KIF17: variants seen among roughly 807,000 people sequenced by gnomAD.
KIF17 encodes kinesin-like protein KIF17.
A neutral mutation model predicts 96.8 loss-of-function variants in KIF17; 80 were observed. That is an observed-to-expected ratio of 0.83 (90% CI 0.69 to 1.00). KIF17 has a LOEUF of 1.00. Ranked by LOEUF, KIF17 falls within the 50% of genes least tolerant of loss-of-function variation. KIF17 has a pLI of 0.00. For synonymous variants in KIF17, 567 were observed against 587.5 expected (o/e 0.97, Z 0.51); for missense variants, 1,280 against 1,372.9 (o/e 0.93, Z 1.07).
chr1:20,690,413 G>T (rs493018), intron 6 of KIF17, 78 bp from the exon 7 acceptor site: 677,927 of 1,418,730 alleles, frequency 0.48, 170,121 homozygotes, highest in African/African-American at 0.8. Context: ...ATTCCTTTTT[G>T]GTTATTCAAA....
At chr1:20,695,061 C>T (rs1259399277) in intron 6 of KIF17, among the ~76,000 whole-genome samples, 1 of 152,144 alleles carries the variant, frequency 6.6e-6, no homozygotes, top group Non-Finnish European at 1.5e-5. Context: ...CATGCATACA[C>T]ATGCACCCAC....
chr1:20,668,626 C>G (rs1297358525), intron 13 of KIF17, among the ~76,000 whole-genome samples: 1 of 152,094 alleles, frequency 6.6e-6, no homozygotes, highest in Admixed American at 6.5e-5. Flanking sequence ...AATTCATTAG[C>G]CTAGGAGTGG....
In KIF17 at chr1:20,712,594, C is replaced by CTA; in HGVS notation, c.480+858_480+859dup. 1.3e-4 allele frequency among the ~76,000 whole-genome samples: 2 copies of CTA among 15,974 alleles called. 1 individual carries two copies. The highest frequency in any genetic ancestry group is 3.0e-4 in the Non-Finnish European group (2 of 6,600). The allele number at this position is 15,974 out of a possible 152,430, so 10.5% of individuals were successfully genotyped here. On this transcript the variant is annotated intron_variant, in intron 3 of 14. Transcript: ENST00000400463. ...TAGATAATATTATCTATATATATATCTATATATATCTATATATATATAATA... is the reference window on the plus strand; with the variant it reads ...TAGATAATATTATCTATATATATATCTATATATATATCTATATATATATAATA...
Position 20,687,490 on chromosome 1 carries a change from C to T in KIF17, c.1836G>A (p.Leu612=). ...QEVPLQGLLG[L]QDPFAEVEAK... The stretch of plus-strand genomic sequence containing the variant: ...CTTCCACCTCGGCAAACGGGTCCTG[C>T]AGGCCTAGTAACCCCTGCAGGGGCA... The change falls in exon 8 of 15, where the codon CTG becomes CTA. Residue 612 remains leucine (L), a synonymous_variant. Transcript: ENST00000400463. This position sits in a 1 kb window ranked among gnomAD's most constrained non-coding sequence, Gnocchi z 4.4. 6.2e-7 allele frequency: 1 copy of T among 1,613,892 alleles called. No homozygotes were observed. The highest frequency in any genetic ancestry group is 8.5e-7 in the Non-Finnish European group (1 of 1,179,918).
intron 3 of KIF17, among the ~76,000 whole-genome samples, chr1:20,712,014 G>A (rs1382556709): frequency 2.6e-5 from 4 of 152,168 alleles, no homozygotes; most frequent in Non-Finnish European, 5.9e-5. Flanking sequence ...TCTGGAGTGT[G>A]TTTCAGCAAG....
At chr1:20,688,546 T>C (rs143427133) in intron 7 of KIF17, among the ~76,000 whole-genome samples, 65 of 152,324 alleles carry the variant, frequency 4.3e-4, no homozygotes, top group African/African-American at 1.5e-3. Flanking sequence ...CACTGAGTGC[T>C]GGGCTCTTAA....
chr1:20,709,593 T>C lies in KIF17; in HGVS notation c.670+46A>G, dbSNP rs746896480. On this transcript the variant is annotated intron_variant, in intron 4 of 14. Transcript: ENST00000400463. This position sits in a 1 kb window ranked among gnomAD's most constrained non-coding sequence, Gnocchi z 4.7. ...GGTGGCGTGCCTTGGCTAGTGGGAGTGGCTGGGTCATCTGTCCCCCTGCCC... is the reference window on the plus strand; with the variant it reads ...GGTGGCGTGCCTTGGCTAGTGGGAGCGGCTGGGTCATCTGTCCCCCTGCCC... The C allele has an allele frequency of 1.2e-6, 2 of 1,606,290 alleles. No homozygotes were observed. The highest frequency in any genetic ancestry group is 1.7e-6 in the Non-Finnish European group (2 of 1,174,452).
chr1:20,712,220 C>T (rs2054450322), intron 3 of KIF17, among the ~76,000 whole-genome samples: 1 of 152,176 alleles, frequency 6.6e-6, no homozygotes, highest in Admixed American at 6.5e-5. Flanking sequence ...AGAAGGTTTG[C>T]AGGGGGCCAG....
chr1:20,688,089 C>CG (rs2053973108), intron 7 of KIF17, 145 bp from the exon 8 acceptor site: 1 of 704,300 alleles, frequency 1.4e-6, no homozygotes, highest in African/African-American at 1.8e-5. Context: ...CTCTGTCGCC[C>CG]GGGCTGGAGT....
At chr1:20,705,457 T>G (rs1009965847) in intron 4 of KIF17, among the ~76,000 whole-genome samples, 7 of 152,202 alleles carry the variant, frequency 4.6e-5, no homozygotes, top group African/African-American at 1.2e-4. Context: ...CCATTAGGGT[T>G]TGTGAGACAA....
chr1:20,705,039 C>T (rs889583230), intron 4 of KIF17, 140 bp from the exon 5 acceptor site: 6 of 758,146 alleles, frequency 7.9e-6, no homozygotes, highest in Admixed American at 6.0e-5. Context: ...GAAGCAGGTG[C>T]TATTATTGGG....
Position 20,682,664 on chromosome 1 carries a change from T to C in KIF17, c.2452A>G (p.Met818Val), listed in dbSNP as rs2053850189. ...VRAKSKLLEKMQRKLRAAEVE... is the reference protein window; with the variant it reads ...VRAKSKLLEKVQRKLRAAEVE... ...CATCTGGGCCTCACCTTCCTCTGCA[T>C]CTTCTCCAGCAGCTTGCTCTTGGCC... Residue 818 changes from methionine to valine, a missense_variant, in exon 11 of 15, where the codon ATG (methionine) becomes GTG (valine). Transcript: ENST00000400463. The C allele has an allele frequency of 1.2e-6, 2 of 1,614,044 alleles. No homozygotes were observed. The highest frequency in any genetic ancestry group is 1.7e-6 in the Non-Finnish European group (2 of 1,179,998).
chr1:20,677,267 A>G (rs1228971060), intron 11 of KIF17, among the ~76,000 whole-genome samples: 2 of 152,246 alleles, frequency 1.3e-5, no homozygotes, highest in East Asian at 3.8e-4. Context: ...TGAGAAACAC[A>G]TGGATACATG....
intron 5 of KIF17, among the ~76,000 whole-genome samples, chr1:20,703,503 G>GATGC (rs1553152057): frequency 3.6e-4 from 10 of 27,694 alleles, no homozygotes; most frequent in African/African-American, 9.3e-4. Flanking sequence ...TGGATGCATG[G>GATGC]ATGGATGGAT....
chr1:20,670,565 G>T, intron 12 of KIF17, 77 bp from the exon 13 acceptor site: 2 of 1,394,354 alleles, frequency 1.4e-6, no homozygotes, highest in Non-Finnish European at 1.0e-6. Context: ...GGAGGTGGGG[G>T]TCAGGCCTGG....
At chr1:20,691,959 T>C (rs2054046889) in intron 6 of KIF17, among the ~76,000 whole-genome samples, 1 of 152,208 alleles carries the variant, frequency 6.6e-6, no homozygotes, top group Non-Finnish European at 1.5e-5. Flanking sequence ...CACTGCCAGC[T>C]CTCGTCCAAA....
chr1:20,664,824 C>T, intron 14 of KIF17, 62 bp from the exon 15 acceptor site: 2 of 1,495,360 alleles, frequency 1.3e-6, no homozygotes, highest in Non-Finnish European at 1.8e-6. Context: ...AGAAAATGCC[C>T]CAAGTGGGTA....
rs200073708 is a variant in KIF17, at chr1:20,687,876, C to T, written c.1450G>A (p.Ala484Thr). The change falls in exon 8 of 15, where the codon GCT becomes ACT. Residue 484 changes from alanine (A) to threonine (T), a missense_variant. Physicochemically the swap from Ala to Thr is moderately conservative, Grantham distance 58. Transcript: ENST00000400463. The surrounding 1 kb of genome is among the most constrained non-coding windows in gnomAD (Gnocchi z 4.4). ...TACTGAAAAGCAGGCGGGTACTCAG[C>T]GCTGCTGGCAAACTCAGCCCTGGAC... ...VMSRAEFASS[A>T]EYPPAFQYET... The T allele has an allele frequency of 9.3e-6, 15 of 1,613,824 alleles. No homozygotes were observed. Among genetic ancestry groups the T allele is most frequent in the South Asian group, 1.1e-5 (1 of 91,082 alleles).
rs1248622868 is a variant in KIF17, at chr1:20,672,032, G to A, written c.2628C>T (p.Asn876=). The A allele has an allele frequency of 5.6e-6, 9 of 1,614,156 alleles. No homozygotes were observed. The highest frequency in any genetic ancestry group is 1.3e-5 in the African/African-American group (1 of 75,044). The part of the protein sequence containing the change: ...PLIRRDCNYS[N]LEKILRESCW... The stretch of plus-strand genomic sequence containing the variant: ...AGGACTCACGCAGAATCTTCTCCAG[G>A]TTGCTGTAGTTACAGTCCCTGCGAA... The change falls in exon 12 of 15, where the codon AAC becomes AAT. Residue 876 remains asparagine (N), a synonymous_variant. Transcript: ENST00000400463. The surrounding 1 kb of genome is among the most constrained non-coding windows in gnomAD (Gnocchi z 4.3).
Sources: allele counts gnomAD v4.1 joint callset (sites outside exome capture counted in the v4.1 genomes callset), GRCh38; gene constraint gnomAD v4.1.1; non-coding constraint Gnocchi (gnomAD v3.1); transcripts MANE v1.5; gene names NCBI Gene and HGNC (gene_info 2026-07-23, HGNC 2026-07-21).